NEK11: variants seen among roughly 807,000 people sequenced by gnomAD.
NEK11 encodes the protein NIMA related kinase 11.
NEK11 carries 72 observed loss-of-function variants against 80.7 expected under a neutral mutation model. The ratio of observed to expected loss-of-function variants is 0.89; its 90% CI spans 0.74 to 1.08. The LOEUF (loss-of-function observed/expected upper bound fraction) is 1.08, where lower values mean the gene tolerates loss of function less well. Among genes scored for constraint, NEK11 ranks in the 50% least tolerant of loss-of-function variants. The probability of loss-of-function intolerance (pLI) is 0.00; values close to 1 mark genes in which losing one functional copy is unlikely to be tolerated. For missense variants in NEK11, 764 were observed against 763.6 expected (o/e 1.00, Z -0.01); for synonymous variants, 251 against 260.7 (o/e 0.96, Z 0.36).
chr3:131,040,057 A>G lies in NEK11; in HGVS notation c.170+10179A>G, dbSNP rs114512942. Among the ~76,000 whole-genome samples, 751 of 152,330 alleles carry G rather than the reference A, an allele frequency of 4.9e-3. 11 individuals are homozygous for G. Among genetic ancestry groups the G allele is most frequent in the African/African-American group, 0.017 (716 of 41,578 alleles). ...AGTAGTTTACTTCCACTAATTGTGC[A>G]TTGTATAAATAATGTTATGTAGTAT... is the stretch of plus-strand genomic sequence containing the variant. On this transcript the variant is annotated intron_variant, in intron 3 of 17. Transcript: ENST00000383366.
chr3:131,184,574 C>T, intron 14 of NEK11: 1 of 307,862 alleles, frequency 3.2e-6, no homozygotes, highest in Non-Finnish European at 6.0e-6. Flanking sequence ...TGCTTTTTAT[C>T]TTAAACAGCA....
chr3:131,115,948 T>TTCTTTCTTTCTTTCTTTC (rs2081060646), intron 5 of NEK11, among the ~76,000 whole-genome samples: 40 of 131,994 alleles, frequency 3.0e-4, no homozygotes, highest in Non-Finnish European at 3.9e-4. Context: ...CTTTCTTTCT[T>TTCTTTCTTTCTTTCTTTC]TCTTTCTTTC....
chr3:131,112,235 T>C (rs1290973600), intron 5 of NEK11, among the ~76,000 whole-genome samples: 1 of 152,132 alleles, frequency 6.6e-6, no homozygotes, highest in Non-Finnish European at 1.5e-5. Context: ...AAAATTACTA[T>C]TCTATAATTT....
intron 16 of NEK11, among the ~76,000 whole-genome samples, chr3:131,254,934 C>T (rs1580943329): frequency 6.6e-6 from 1 of 151,704 alleles, no homozygotes; most frequent in Admixed American, 6.6e-5. Context: ...GCAGGAGAAT[C>T]GCTTTAACCC....
intron 17 of NEK11, among the ~76,000 whole-genome samples, chr3:131,331,259 T>C (rs377159327): frequency 6.6e-6 from 1 of 152,206 alleles, no homozygotes; most frequent in Admixed American, 6.5e-5. Context: ...AGATAGAAAC[T>C]AGCATTCAGC....
At chr3:131,179,214 A>G (rs1380381517) in intron 14 of NEK11, among the ~76,000 whole-genome samples, 1 of 152,176 alleles carries the variant, frequency 6.6e-6, no homozygotes, top group Non-Finnish European at 1.5e-5. Context: ...CCCTTACCAC[A>G]CAACCGAACC....
chr3:131,066,911 G>A (rs929226075), intron 3 of NEK11, among the ~76,000 whole-genome samples: 64 of 151,564 alleles, frequency 4.2e-4, no homozygotes, highest in African/African-American at 1.5e-3. Flanking sequence ...ATTATTGAGT[G>A]TGGTTTGTCA....
intron 17 of NEK11, among the ~76,000 whole-genome samples, chr3:131,341,882 A>G (rs1422250924): frequency 2.0e-5 from 3 of 152,180 alleles, no homozygotes; most frequent in East Asian, 3.9e-4. Context: ...CAATGCCATC[A>G]TGTTATGGGT....
At chr3:131,176,076 C>G (rs756368662) in intron 14 of NEK11, among the ~76,000 whole-genome samples, 1 of 152,144 alleles carries the variant, frequency 6.6e-6, no homozygotes, top group Non-Finnish European at 1.5e-5. Flanking sequence ...GGACAGGGAT[C>G]TTTTAGCTCC....
intron 5 of NEK11, among the ~76,000 whole-genome samples, chr3:131,114,040 G>A (rs970309368): frequency 1.3e-5 from 2 of 151,926 alleles, no homozygotes; most frequent in Non-Finnish European, 1.5e-5. Flanking sequence ...GGAAGTTGGA[G>A]TGAGGAGGGG....
At chr3:131,267,460 C>T (rs2096081894) in intron 16 of NEK11, among the ~76,000 whole-genome samples, 1 of 152,202 alleles carries the variant, frequency 6.6e-6, no homozygotes, top group African/African-American at 2.4e-5. Context: ...CTTAGTTTAG[C>T]TGGATATGAC....
intron 4 of NEK11, among the ~76,000 whole-genome samples, chr3:131,084,347 T>C (rs533002249): frequency 1.2e-4 from 18 of 152,354 alleles, no homozygotes; most frequent in African/African-American, 4.1e-4. Context: ...ACCTCTTGGT[T>C]CCAGCTGCCT....
At chr3:131,199,155 G>C (rs1323583595) in intron 14 of NEK11, among the ~76,000 whole-genome samples, 1 of 152,036 alleles carries the variant, frequency 6.6e-6, no homozygotes, top group Non-Finnish European at 1.5e-5. Flanking sequence ...AAAGATAAAA[G>C]ACAAATGAGA....
chr3:131,186,054 A>C (rs2093588063), intron 14 of NEK11, among the ~76,000 whole-genome samples: 1 of 152,210 alleles, frequency 6.6e-6, no homozygotes. Context: ...CACGTGAAAC[A>C]GAAAGTACAC....
chr3:131,228,813 T>C, intron 15 of NEK11, 125 bp downstream of exon 15: 1 of 920,848 alleles, frequency 1.1e-6, no homozygotes, highest in Non-Finnish European at 1.6e-6. Context: ...TTATAATAGC[T>C]ACTTGTGGTA....
chr3:131,073,234 C>T (rs977594360), intron 3 of NEK11, among the ~76,000 whole-genome samples: 1 of 152,180 alleles, frequency 6.6e-6, no homozygotes, highest in Admixed American at 6.5e-5. Context: ...ATAGAATTCA[C>T]ATGATGGTTA....
chr3:131,134,927 C>T (rs186100727), intron 7 of NEK11, among the ~76,000 whole-genome samples: 23 of 152,216 alleles, frequency 1.5e-4, no homozygotes, highest in African/African-American at 5.5e-4. Flanking sequence ...TACTTTTCTG[C>T]TTGTTGAGGG....
intron 4 of NEK11, among the ~76,000 whole-genome samples, chr3:131,084,119 G>A (rs1041667189): frequency 3.9e-5 from 6 of 151,990 alleles, no homozygotes; most frequent in Non-Finnish European, 5.9e-5. Flanking sequence ...TCATAAACTC[G>A]TGGCTAGAAA....
At chr3:131,203,251 A>G (rs554406807) in intron 14 of NEK11, among the ~76,000 whole-genome samples, 1 of 152,228 alleles carries the variant, frequency 6.6e-6, no homozygotes, top group Admixed American at 6.5e-5. Context: ...ATGCAGCCAT[A>G]AAAAATGATG....
Sources: gnomAD v4.1 joint callset for allele counts (sites outside exome capture counted in the v4.1 genomes callset) on GRCh38, gnomAD v4.1.1 for gene constraint, MANE v1.5 for transcripts, NCBI Gene and HGNC (gene_info 2026-07-23, HGNC 2026-07-21) for gene names.